The following TBC1D22A variants were observed in gnomAD, a reference collection of about 807,000 sequenced individuals.
The protein encoded by TBC1D22A is putative GTPase activator.
Under a neutral mutation model 60.2 loss-of-function variants are expected in TBC1D22A, and 38 were observed. The ratio of observed to expected loss-of-function variants is 0.63; its 90% CI spans 0.49 to 0.83. The LOEUF is 0.83. TBC1D22A is among the 40% of genes least tolerant of loss of function. The probability of loss-of-function intolerance (pLI) is 0.00; values close to 1 mark genes in which losing one functional copy is unlikely to be tolerated. For synonymous variants in TBC1D22A, 302 were observed against 281.7 expected (o/e 1.07, Z -0.72); for missense variants, 628 against 701.0 (o/e 0.90, Z 1.18).
chr22:46,824,650 G>A (rs774659072), intron 4 of TBC1D22A, among the ~76,000 whole-genome samples: 60 of 152,300 alleles, frequency 3.9e-4, no homozygotes, highest in Non-Finnish European at 1.8e-4. Flanking sequence ...TGTGGAGGTA[G>A]GAAGACCAGT....
At chr22:46,862,259 C>T (rs1464479387) in intron 4 of TBC1D22A, among the ~76,000 whole-genome samples, 6 of 152,204 alleles carry the variant, frequency 3.9e-5, no homozygotes, top group African/African-American at 1.4e-4. Flanking sequence ...TCGCTCTTAG[C>T]ACCCCCCAGG....
chr22:47,055,781 C>T (rs921137112), intron 11 of TBC1D22A, among the ~76,000 whole-genome samples: 1 of 151,984 alleles, frequency 6.6e-6, no homozygotes, highest in Non-Finnish European at 1.5e-5. Flanking sequence ...CTGCTGGGAG[C>T]TGGGATGAGT....
chr22:46,956,809 C>A (rs1012457038), intron 8 of TBC1D22A, among the ~76,000 whole-genome samples: 4 of 152,238 alleles, frequency 2.6e-5, no homozygotes, highest in African/African-American at 7.2e-5. Context: ...CTTCCTCTGT[C>A]TTTCAGATGG....
chr22:47,140,672 A>C (rs894279964), intron 12 of TBC1D22A, among the ~76,000 whole-genome samples: 5 of 152,162 alleles, frequency 3.3e-5, no homozygotes, highest in Non-Finnish European at 7.4e-5. Context: ...CCAGGCCTGC[A>C]GGGGATGCCT....
At chr22:47,141,857 A>T (rs546220609) in intron 12 of TBC1D22A, among the ~76,000 whole-genome samples, 6 of 152,392 alleles carry the variant, frequency 3.9e-5, no homozygotes, top group African/African-American at 1.4e-4. Context: ...CACTAGTTCC[A>T]AAATAGAACT....
chr22:46,840,812 G>C (rs926288534), intron 4 of TBC1D22A, among the ~76,000 whole-genome samples: 2 of 152,022 alleles, frequency 1.3e-5, no homozygotes, highest in East Asian at 1.9e-4. Flanking sequence ...CCATTGGTGG[G>C]AATGTAAATT....
At chr22:46,862,792 G>T (rs973880286) in intron 4 of TBC1D22A, among the ~76,000 whole-genome samples, 5 of 152,206 alleles carry the variant, frequency 3.3e-5, no homozygotes, top group African/African-American at 1.2e-4. Flanking sequence ...CAGCTGAGAG[G>T]CCGGATGCTG....
chr22:46,931,282 C>T (rs2071341864), intron 8 of TBC1D22A, among the ~76,000 whole-genome samples: 1 of 152,196 alleles, frequency 6.6e-6, no homozygotes, highest in South Asian at 2.1e-4. Context: ...TTAATTTGGA[C>T]CTTTTCCTTC....
rs2068383943 is a variant in TBC1D22A, at chr22:46,891,171, T to G, written c.709-95T>G. On this transcript the variant is annotated intron_variant, in intron 5 of 12. Transcript: ENST00000337137. The stretch of plus-strand genomic sequence containing the variant: ...GTGTCAGATTTCAGAATGCCAAGCT[T>G]AGGTATGATGCAAGTCTTTTTATTT... 7 of 1,348,828 alleles carry G rather than the reference T, an allele frequency of 5.2e-6. No individual in the cohort carries two copies. The Middle Eastern group carries it at 7.2e-4, about 139-fold the overall frequency. The allele number at this position is 1,348,828 out of a possible 1,614,324, so 83.6% of individuals were successfully genotyped here.
At chr22:47,053,531 C>A (rs1363330756) in intron 11 of TBC1D22A, among the ~76,000 whole-genome samples, 2 of 152,230 alleles carry the variant, frequency 1.3e-5, no homozygotes, top group East Asian at 3.8e-4. Flanking sequence ...CGCTTCTCTC[C>A]CAGTCGGGGC....
chr22:47,018,677 C>G (rs1236794796), intron 10 of TBC1D22A, among the ~76,000 whole-genome samples: 1 of 152,146 alleles, frequency 6.6e-6, no homozygotes, highest in East Asian at 1.9e-4. Flanking sequence ...GATGCGTGAG[C>G]TGGGACACTG....
chr22:46,839,192 A>G (rs1261413642), intron 4 of TBC1D22A, among the ~76,000 whole-genome samples: 1 of 152,252 alleles, frequency 6.6e-6, no homozygotes, highest in Non-Finnish European at 1.5e-5. Flanking sequence ...TTGTGTTTCT[A>G]TACACTAACA....
chr22:46,794,867 G>C (rs565050366), intron 3 of TBC1D22A, among the ~76,000 whole-genome samples: 3 of 152,328 alleles, frequency 2.0e-5, no homozygotes, highest in African/African-American at 7.2e-5. Flanking sequence ...GGCCCTCATA[G>C]GTACCTCCCT....
intron 11 of TBC1D22A, among the ~76,000 whole-genome samples, chr22:47,077,016 A>T (rs914585790): frequency 2.6e-5 from 4 of 152,236 alleles, no homozygotes; most frequent in South Asian, 4.1e-4. Flanking sequence ...ATGCATCCTG[A>T]GTATTGCCTG....
chr22:46,913,783 T>C, intron 8 of TBC1D22A: 3 of 984,194 alleles, frequency 3.0e-6, no homozygotes, highest in Non-Finnish European at 3.6e-6. Context: ...AATAAGTTTG[T>C]TTTAACTACT....
intron 4 of TBC1D22A, among the ~76,000 whole-genome samples, chr22:46,864,927 T>G (rs1027176023): frequency 6.6e-6 from 1 of 152,186 alleles, no homozygotes; most frequent in Non-Finnish European, 1.5e-5. Flanking sequence ...TGGCTCCCAT[T>G]TGGGCTCTGC....
At chr22:46,787,007 G>C (rs2084187171) in intron 1 of TBC1D22A, among the ~76,000 whole-genome samples, 6 of 152,126 alleles carry the variant, frequency 3.9e-5, no homozygotes, top group Non-Finnish European at 1.5e-5. Flanking sequence ...CTCTTTCCAT[G>C]TTATGTATCT....
chr22:47,071,366 G>A (rs957513333), intron 11 of TBC1D22A, among the ~76,000 whole-genome samples: 7 of 152,186 alleles, frequency 4.6e-5, no homozygotes, highest in African/African-American at 1.7e-4. Flanking sequence ...CTTCCAGTGG[G>A]AGTGACTCTT....
At chr22:46,964,944 G>A (rs1702261258) in intron 8 of TBC1D22A, among the ~76,000 whole-genome samples, 3 of 152,232 alleles carry the variant, frequency 2.0e-5, no homozygotes, top group South Asian at 2.1e-4. Context: ...TGCTCTGAGC[G>A]GTGGGGTTCC....
Sources: allele counts gnomAD v4.1 joint callset (sites outside exome capture counted in the v4.1 genomes callset), GRCh38; gene constraint gnomAD v4.1.1; transcripts MANE v1.5; gene names NCBI Gene and HGNC (gene_info 2026-07-23, HGNC 2026-07-21).